The following CADM2 variants were observed in gnomAD, a reference collection of about 807,000 sequenced individuals.
CADM2 encodes immunoglobulin superfamily member 4D.
In CADM2, 12 loss-of-function variants were observed where a neutral mutation model predicts 49.8. The observed-to-expected ratio is 0.24, with a 90% CI of 0.15 to 0.39. CADM2 has a LOEUF of 0.39. Among genes scored for constraint, CADM2 ranks in the 10% least tolerant of loss-of-function variants. The pLI is 1.00. For synonymous variants in CADM2, 214 were observed against 175.4 expected, an observed-to-expected ratio of 1.22 and a Z score of -1.74; for missense variants, 378 against 492.3, an observed-to-expected ratio of 0.77 and a Z score of 2.20.
intron 2 of CADM2, among the ~76,000 whole-genome samples, chr3:85,773,616 A>C (rs943775726): frequency 6.6e-6 from 1 of 152,058 alleles, no homozygotes; most frequent in Admixed American, 6.6e-5. Flanking sequence ...TCACTTTTCC[A>C]TACAATGGTA....
intron 2 of CADM2, among the ~76,000 whole-genome samples, chr3:85,753,575 C>G (rs377145089): frequency 2.6e-5 from 4 of 152,146 alleles, no homozygotes; most frequent in Non-Finnish European, 5.9e-5. Flanking sequence ...CATAAGAAGT[C>G]GGTCTACTTC....
chr3:85,748,762 T>C (rs1005630575), intron 2 of CADM2, among the ~76,000 whole-genome samples: 4 of 152,264 alleles, frequency 2.6e-5, no homozygotes, highest in Admixed American at 2.0e-4. Flanking sequence ...TTTATTGATA[T>C]GTTCTTTTAT....
chr3:85,278,061 GGTCTCA>G (rs1227395579), intron 1 of CADM2, among the ~76,000 whole-genome samples: 2 of 147,084 alleles, frequency 1.4e-5, no homozygotes, highest in African/African-American at 5.0e-5. Context: ...TTTTTTCCTG[GGTCTCA>G]CAAATACCTT....
chr3:85,881,155 A>G (rs574989501), intron 3 of CADM2, among the ~76,000 whole-genome samples: 1 of 152,096 alleles, frequency 6.6e-6, no homozygotes, highest in South Asian at 2.1e-4. Flanking sequence ...AAATTAACTG[A>G]TTCTATCCTC....
chr3:85,588,479 C>T (rs1383408262), intron 1 of CADM2, among the ~76,000 whole-genome samples: 1 of 152,102 alleles, frequency 6.6e-6, no homozygotes, highest in Non-Finnish European at 1.5e-5. Context: ...ACATTTTATA[C>T]GTTGAATTTA....
intron 1 of CADM2, among the ~76,000 whole-genome samples, chr3:85,427,191 TA>T (rs2036451608): frequency 1.1e-5 from 1 of 95,230 alleles, no homozygotes; most frequent in African/African-American, 2.9e-5. Context: ...TATATATATA[TA>T]TATATATATG....
intron 1 of CADM2, among the ~76,000 whole-genome samples, chr3:85,069,709 T>A (rs529452070): frequency 1.2e-3 from 183 of 152,262 alleles, no homozygotes; most frequent in African/African-American, 4.1e-3. Flanking sequence ...ATCAGTATTA[T>A]CTTTGATAAA....
At chr3:85,028,520 CA>C (rs2034835195) in intron 1 of CADM2, among the ~76,000 whole-genome samples, 1 of 152,014 alleles carries the variant, frequency 6.6e-6, no homozygotes. Flanking sequence ...CTTACAGTGC[CA>C]ATTAGTATCT....
At chr3:85,771,164 T>C (rs1471106248) in intron 2 of CADM2, among the ~76,000 whole-genome samples, 1 of 152,172 alleles carries the variant, frequency 6.6e-6, no homozygotes, top group Non-Finnish European at 1.5e-5. Flanking sequence ...AATTAGACCA[T>C]AAGTGTTGTG....
At chr3:85,073,812 G>A (rs533314700) in intron 1 of CADM2, among the ~76,000 whole-genome samples, 2 of 151,978 alleles carry the variant, frequency 1.3e-5, no homozygotes, top group South Asian at 2.1e-4. Context: ...CAATTTGGGC[G>A]CAAAATTTTT....
At chr3:86,013,794 G>T in intron 8 of CADM2, 3 of 1,589,350 alleles carry the variant, frequency 1.9e-6, no homozygotes, top group Non-Finnish European at 2.6e-6. Context: ...TGAGAAGTGG[G>T]GATTAAATAT....
intron 3 of CADM2, among the ~76,000 whole-genome samples, chr3:85,868,006 TATTATTAAGGTA>T (rs1255244624): frequency 2.0e-5 from 3 of 152,078 alleles, no homozygotes; most frequent in African/African-American, 7.2e-5. Flanking sequence ...AATAGTACCT[TATTATTAAGGTA>T]CCAACAATAT....
intron 1 of CADM2, among the ~76,000 whole-genome samples, chr3:85,448,103 G>A (rs2037555560): frequency 1.3e-5 from 2 of 151,900 alleles, no homozygotes; most frequent in Non-Finnish European, 2.9e-5. Context: ...AGGGCGAGGC[G>A]GGCGGATCAC....
At chr3:85,498,604 T>C (rs1219462385) in intron 1 of CADM2, among the ~76,000 whole-genome samples, 1 of 152,178 alleles carries the variant, frequency 6.6e-6, no homozygotes, top group Admixed American at 6.5e-5. Context: ...GTCAGGAAAA[T>C]GTAAGACCCT....
chr3:85,481,229 G>GATATATATATATATATATATATAT (rs3086137), intron 1 of CADM2, among the ~76,000 whole-genome samples: 4 of 144,958 alleles, frequency 2.8e-5, no homozygotes, highest in African/African-American at 1.0e-4. Context: ...ATATATATTG[G>GATATATATATATATATATATATAT]ATATATATAT....
At chr3:86,039,145 G>C (rs375372046) in intron 8 of CADM2, among the ~76,000 whole-genome samples, 1 of 152,122 alleles carries the variant, frequency 6.6e-6, no homozygotes, top group African/African-American at 2.4e-5. Context: ...CATGAGCGAC[G>C]CAGAAGATGG....
intron 1 of CADM2, among the ~76,000 whole-genome samples, chr3:85,366,486 T>A (rs988275804): frequency 3.9e-5 from 6 of 152,194 alleles, no homozygotes; most frequent in African/African-American, 1.4e-4. Flanking sequence ...GAATGTTGTT[T>A]TGTGAGGCTT....
chr3:85,538,592 A>C (rs1309985667), intron 1 of CADM2, among the ~76,000 whole-genome samples: 2 of 152,166 alleles, frequency 1.3e-5, no homozygotes, highest in Non-Finnish European at 2.9e-5. Flanking sequence ...TTCAAAGTTA[A>C]AAGCCATGGT....
chr3:85,370,207 C>T (rs951797080), intron 1 of CADM2, among the ~76,000 whole-genome samples: 7 of 121,692 alleles, frequency 5.8e-5, no homozygotes, highest in African/African-American at 1.2e-4. Flanking sequence ...GAACGAAACT[C>T]CTTTTCAAAA....
Sources: gnomAD v4.1 joint callset for allele counts (sites outside exome capture counted in the v4.1 genomes callset) on GRCh38, gnomAD v4.1.1 for gene constraint, MANE v1.5 for transcripts, NCBI Gene and HGNC (gene_info 2026-07-23, HGNC 2026-07-21) for gene names.